CACNA2D1: variants seen among roughly 807,000 people sequenced by gnomAD.
CACNA2D1 encodes the protein voltage-dependent calcium channel subunit alpha-2/delta-1.
Under a neutral mutation model 171.5 loss-of-function variants are expected in CACNA2D1, and 53 were observed. The observed-to-expected ratio is 0.31, with a 90% CI of 0.25 to 0.39. The LOEUF (loss-of-function observed/expected upper bound fraction) is 0.39. Among genes scored for constraint, CACNA2D1 ranks in the 10% least tolerant of loss-of-function variants. The pLI, the probability that CACNA2D1 is intolerant of heterozygous loss-of-function variation, is 1.00. For synonymous variants in CACNA2D1, 442 were observed against 443.1 expected, an observed-to-expected ratio of 1.00 and a Z score of 0.03; for missense variants, 903 against 1,299.8, an observed-to-expected ratio of 0.69 and a Z score of 4.69.
At chr7:82,306,572 G>C (rs1455679257) in intron 3 of CACNA2D1, among the ~76,000 whole-genome samples, 1 of 152,178 alleles carries the variant, frequency 6.6e-6, no homozygotes, top group Non-Finnish European at 1.5e-5. Flanking sequence ...AAATTTCTGA[G>C]AGACTGGAGA....
rs1819621561 is a variant in CACNA2D1 at position 82,349,667 on chromosome 7, G to T, written c.96-18C>A. 2 of 1,581,694 alleles carry T rather than the reference G, an allele frequency of 1.3e-6. No individual in the cohort carries two copies. Among genetic ancestry groups the T allele is most frequent in the Non-Finnish European group, 1.7e-6 (2 of 1,150,828 alleles). On this transcript the variant is annotated intron_variant, in intron 1 of 38. Coordinates refer to ENST00000356860, the MANE Select transcript of CACNA2D1 (RefSeq NM_000722.4). ...ATTTGATACTGCAGAAATCAGAAAA[G>T]ATTATGTTCTATCAGATCTCTGGCA...
At position 81,964,368 on chromosome 7, in the gene CACNA2D1, G is replaced by A. The variant is rs183290212; in HGVS notation, c.2575-9C>T. 2 of 1,609,940 alleles carry A rather than the reference G, an allele frequency of 1.2e-6. No homozygotes were observed. Among genetic ancestry groups the A allele is most frequent in the Non-Finnish European group, 1.7e-6 (2 of 1,177,686 alleles). On this transcript the variant is annotated splice_polypyrimidine_tract_variant and intron_variant, in intron 32 of 38. Transcript: ENST00000356860. ...CCAAAAAATCTTCCAATCTGGTGAA[G>A]AAAAAAATCATAAAGCAACGTGCAC... is the stretch of plus-strand genomic sequence containing the variant.
intron 3 of CACNA2D1, among the ~76,000 whole-genome samples, chr7:82,277,696 A>C (rs922814119): frequency 2.4e-4 from 36 of 149,402 alleles, no homozygotes; most frequent in Non-Finnish European, 2.5e-4. Context: ...GAGAACATAT[A>C]ATTGAAGATT....
chr7:82,127,699 T>C (rs1037913441), intron 5 of CACNA2D1, among the ~76,000 whole-genome samples: 3 of 152,148 alleles, frequency 2.0e-5, no homozygotes, highest in East Asian at 3.8e-4. Flanking sequence ...ATTATTTAAA[T>C]TGGGTTTTTA....
At position 82,060,166 on chromosome 7, in the gene CACNA2D1, A is replaced by ATATATATATAATATATATATATAT. The variant is rs1806499223; in HGVS notation, c.879+261_879+262insATATATATATATATTATATATATA. On this transcript the variant is annotated intron_variant, in intron 10 of 38. Transcript: ENST00000356860. ...TATATATATGTATTATATATATATA[A>ATATATATATAATATATATATATAT]TATATATATATAATATATATATATT... is the stretch of plus-strand genomic sequence containing the variant. Among the ~76,000 whole-genome samples the ATATATATATAATATATATATATAT allele has an allele frequency of 2.0e-4, 2 of 9,960 alleles. 1 individual carries two copies. Among genetic ancestry groups the ATATATATATAATATATATATATAT allele is most frequent in the Non-Finnish European group, 5.8e-4 (2 of 3,452 alleles). The allele number at this position is 9,960 out of a possible 152,430, so 6.5% of individuals were successfully genotyped here.
At chr7:82,319,863 A>G (rs994420208) in intron 3 of CACNA2D1, among the ~76,000 whole-genome samples, 2 of 152,148 alleles carry the variant, frequency 1.3e-5, no homozygotes. Context: ...TTTTGTAACT[A>G]ATGTCTCAGC....
chr7:82,160,191 T>C (rs1794806902), intron 4 of CACNA2D1, among the ~76,000 whole-genome samples: 1 of 151,756 alleles, frequency 6.6e-6, no homozygotes, highest in Non-Finnish European at 1.5e-5. Context: ...GTCCCAAAAT[T>C]TTGAGGAAAA....
At chr7:82,043,856 T>G (rs541778247) in intron 10 of CACNA2D1, among the ~76,000 whole-genome samples, 1 of 152,286 alleles carries the variant, frequency 6.6e-6, no homozygotes, top group Non-Finnish European at 1.5e-5. Flanking sequence ...TGTCTGGAAA[T>G]GGCAACTAGA....
Position 81,947,957 on chromosome 7 carries a change from T to C in CACNA2D1, c.*2435A>G, listed in dbSNP as rs1792169773. 6.6e-6 allele frequency: 1 copy of C among 151,856 alleles called. No individual in the cohort carries two copies. Among genetic ancestry groups the C allele is most frequent in the Admixed American group, 6.6e-5 (1 of 15,228 alleles). 9.4% of individuals were successfully genotyped at this position (151,856 alleles called of 1,614,324 possible). The stretch of plus-strand genomic sequence containing the variant: ...AGCAAAACTCATGCATATAAATATA[T>C]TTTGATGGCAACAGAAATTAAATAG... On this transcript the variant is annotated 3_prime_UTR_variant, in exon 39 of 39. Coordinates refer to ENST00000356860, the MANE Select transcript of CACNA2D1 (RefSeq NM_000722.4).
At chr7:82,059,744 C>A (rs972924007) in intron 10 of CACNA2D1, among the ~76,000 whole-genome samples, 3 of 149,832 alleles carry the variant, frequency 2.0e-5, no homozygotes. Flanking sequence ...TTGGAACCAA[C>A]CCAGATGTCC....
At chr7:82,048,871 C>T (rs1011847067) in intron 10 of CACNA2D1, among the ~76,000 whole-genome samples, 3 of 152,020 alleles carry the variant, frequency 2.0e-5, no homozygotes, top group Non-Finnish European at 4.4e-5. Flanking sequence ...CCTAGTCCTT[C>T]AAGCCCCATC....
At chr7:82,091,224 C>G (rs1811115396) in intron 6 of CACNA2D1, among the ~76,000 whole-genome samples, 1 of 152,104 alleles carries the variant, frequency 6.6e-6, no homozygotes, top group African/African-American at 2.4e-5. Flanking sequence ...ATGGGAAGAC[C>G]AAATCTAATC....
chr7:82,193,885 A>C (rs1798591047), intron 3 of CACNA2D1, among the ~76,000 whole-genome samples: 1 of 152,040 alleles, frequency 6.6e-6, no homozygotes, highest in Non-Finnish European at 1.5e-5. Flanking sequence ...AATGGCTTTC[A>C]AAACATTCCC....
intron 10 of CACNA2D1, among the ~76,000 whole-genome samples, chr7:82,054,785 C>A (rs982111962): frequency 6.6e-6 from 1 of 152,126 alleles, no homozygotes; most frequent in African/African-American, 2.4e-5. Context: ...CAAAAAACTC[C>A]TCAGATGCTA....
chr7:82,238,699 A>G (rs947127176), intron 3 of CACNA2D1, among the ~76,000 whole-genome samples: 1 of 152,122 alleles, frequency 6.6e-6, no homozygotes, highest in Non-Finnish European at 1.5e-5. Context: ...TTTTGAGAAG[A>G]GGAATCTTGG....
chr7:82,121,093 C>T (rs2129057600), intron 5 of CACNA2D1, among the ~76,000 whole-genome samples: 1 of 152,140 alleles, frequency 6.6e-6, no homozygotes, highest in South Asian at 2.1e-4. Context: ...GGATCTTGCT[C>T]TCTTCCCCAG....
intron 12 of CACNA2D1, among the ~76,000 whole-genome samples, chr7:82,024,410 A>AT (rs1801631434): frequency 6.6e-6 from 1 of 151,560 alleles, no homozygotes; most frequent in South Asian, 2.1e-4. Flanking sequence ...AGTAATGTAC[A>AT]TTTTTTCATG....
chr7:82,137,446 A>G (rs1447864855), intron 4 of CACNA2D1, among the ~76,000 whole-genome samples: 2 of 152,274 alleles, frequency 1.3e-5, no homozygotes, highest in South Asian at 2.1e-4. Flanking sequence ...TAATCCACTT[A>G]GACTGATTTC....
intron 1 of CACNA2D1, among the ~76,000 whole-genome samples, chr7:82,363,001 C>T (rs1475742620): frequency 6.6e-6 from 1 of 152,042 alleles, no homozygotes; most frequent in African/African-American, 2.4e-5. Flanking sequence ...GTATAATTGT[C>T]GTATGAATTG....
Sources: gnomAD v4.1 joint callset for allele counts (sites outside exome capture counted in the v4.1 genomes callset) on GRCh38, gnomAD v4.1.1 for gene constraint, MANE v1.5 for transcripts, NCBI Gene and HGNC (gene_info 2026-07-23, HGNC 2026-07-21) for gene names.